Variants in ACYP2 observed in about 807,000 individuals in gnomAD.
ACYP2 encodes the protein acylphosphatase-2.
ACYP2 carries 12 observed loss-of-function variants against 11.2 expected under a neutral mutation model. That is an observed-to-expected ratio of 1.08 (90% CI 0.69 to 1.74). The LOEUF is 1.74. ACYP2 is among the 40% of genes most tolerant of loss of function. ACYP2 has a pLI of 0.00. For synonymous variants in ACYP2, 43 were observed against 32.2 expected (o/e 1.33, Z -1.13); for missense variants, 134 against 101.9 (o/e 1.31, Z -1.35).
chr2:54,067,092 C>A (rs143344495), intron 4 of ACYP2, among the ~76,000 whole-genome samples: 50 of 152,224 alleles, frequency 3.3e-4, no homozygotes, highest in African/African-American at 1.1e-3. Flanking sequence ...AAATGAATAA[C>A]ATTTACAGAA....
At chr2:54,166,674 T>C (rs1413623695) in intron 6 of ACYP2, among the ~76,000 whole-genome samples, 5 of 152,202 alleles carry the variant, frequency 3.3e-5, no homozygotes, top group African/African-American at 1.2e-4. Context: ...TTGAGTTCGA[T>C]GCCAAGATGG....
chr2:54,211,861 G>C (rs1685341236), intron 6 of ACYP2, among the ~76,000 whole-genome samples: 1 of 152,128 alleles, frequency 6.6e-6, no homozygotes, highest in Admixed American at 6.5e-5. Flanking sequence ...TGCAAATAGA[G>C]CAAACTTGTA....
chr2:54,023,838 A>G (rs1674128193), intron 2 of ACYP2, among the ~76,000 whole-genome samples: 1 of 152,244 alleles, frequency 6.6e-6, no homozygotes, highest in African/African-American at 2.4e-5. Flanking sequence ...CCAGGACCAG[A>G]TGGATTCACA....
At chr2:54,193,021 G>A (rs1684300105) in intron 6 of ACYP2, among the ~76,000 whole-genome samples, 2 of 152,242 alleles carry the variant, frequency 1.3e-5, no homozygotes, top group African/African-American at 4.8e-5. Context: ...AACCATATCA[G>A]GCTTCAATTA....
intron 2 of ACYP2, among the ~76,000 whole-genome samples, chr2:53,981,621 A>G (rs1391785922): frequency 6.6e-6 from 1 of 152,172 alleles, no homozygotes; most frequent in Non-Finnish European, 1.5e-5. Context: ...GGGGGTTGCA[A>G]AGGGAGTGGC....
chr2:54,212,859 A>T (rs1685384401), intron 6 of ACYP2, among the ~76,000 whole-genome samples: 2 of 152,274 alleles, frequency 1.3e-5, no homozygotes, highest in Non-Finnish European at 2.9e-5. Context: ...ATCACCTGTA[A>T]TCTCACCATC....
At chr2:54,076,641 C>T (rs551656650) in intron 4 of ACYP2, among the ~76,000 whole-genome samples, 13 of 152,028 alleles carry the variant, frequency 8.6e-5, no homozygotes, top group Non-Finnish European at 1.8e-4. Context: ...TTTTTCAGAA[C>T]CAAGAGAAAG....
rs115332113 is a variant in ACYP2, at chr2:54,087,038, A to C, written c.277+29678A>C. On this transcript the variant is annotated intron_variant, in intron 4 of 6. Transcript: ENST00000607452. ...AATTATAGATTAACGTTTTCTACTA[A>C]ATTCTGACAGTCTATGAGCAATTAC... Among the ~76,000 whole-genome samples the C allele has an allele frequency of 2.8e-3, 422 of 152,368 alleles. 2 individuals carry two copies. The highest frequency in any genetic ancestry group is 9.4e-3 in the African/African-American group (393 of 41,590).
At chr2:54,041,129 T>C (rs1285629521) in intron 2 of ACYP2, among the ~76,000 whole-genome samples, 4 of 151,778 alleles carry the variant, frequency 2.6e-5, no homozygotes, top group African/African-American at 9.7e-5. Flanking sequence ...GTATTTTTTG[T>C]AGAGACAGGG....
chr2:54,265,283 G>A (rs1206032548), intron 6 of ACYP2, among the ~76,000 whole-genome samples: 1 of 152,152 alleles, frequency 6.6e-6, no homozygotes, highest in African/African-American at 2.4e-5. Flanking sequence ...ATCTTACATG[G>A]ATGGCAGCAG....
intron 6 of ACYP2, among the ~76,000 whole-genome samples, chr2:54,164,137 T>C (rs1187127064): frequency 1.3e-5 from 2 of 152,104 alleles, no homozygotes; most frequent in Non-Finnish European, 2.9e-5. Context: ...CTTTGGAGCA[T>C]GTATAGAACT....
intron 2 of ACYP2, among the ~76,000 whole-genome samples, chr2:54,048,008 C>T (rs1334925939): frequency 2.0e-5 from 3 of 152,242 alleles, no homozygotes; most frequent in Non-Finnish European, 2.9e-5. Flanking sequence ...GTTGGTCTTC[C>T]AGGTCTCACT....
chr2:54,006,838 C>T (rs1043893873), intron 2 of ACYP2, among the ~76,000 whole-genome samples: 16 of 152,044 alleles, frequency 1.1e-4, no homozygotes, highest in Admixed American at 3.3e-4. Flanking sequence ...AAACTGCCTA[C>T]ATTTGGCTGG....
At chr2:54,178,554 A>C (rs1683573452) in intron 6 of ACYP2, among the ~76,000 whole-genome samples, 1 of 152,204 alleles carries the variant, frequency 6.6e-6, no homozygotes, top group South Asian at 2.1e-4. Flanking sequence ...CAGCTAAACA[A>C]ACTGGTGTAA....
chr2:53,984,385 C>T (rs1420562683), intron 2 of ACYP2, among the ~76,000 whole-genome samples: 1 of 151,872 alleles, frequency 6.6e-6, no homozygotes, highest in African/African-American at 2.4e-5. Flanking sequence ...TGAGACTAGC[C>T]TGGCCAGCAT....
Position 54,291,934 on chromosome 2 carries a change from T to C in ACYP2, c.405-12754T>C, listed in dbSNP as rs2104145138. Among the ~76,000 whole-genome samples the C allele has an allele frequency of 1.3e-5, 2 of 152,348 alleles. 1 individual carries two copies. The highest frequency in any genetic ancestry group is 4.1e-4 in the South Asian group (2 of 4,828). ...TAGGAATTTTCTAATTCTATAGGGG[T>C]ATGCACTGGTGACTTCCTATTAACT... is the stretch of plus-strand genomic sequence containing the variant. On this transcript the variant is annotated intron_variant, in intron 6 of 6. Transcript: ENST00000607452.
intron 6 of ACYP2, among the ~76,000 whole-genome samples, chr2:54,274,367 C>T (rs1409381266): frequency 6.6e-6 from 1 of 151,986 alleles, no homozygotes; most frequent in Non-Finnish European, 1.5e-5. Context: ...GGGGACACAG[C>T]CAAACCATAT....
intron 4 of ACYP2, among the ~76,000 whole-genome samples, chr2:54,071,597 C>G (rs1677046034): frequency 6.6e-6 from 1 of 152,106 alleles, no homozygotes; most frequent in African/African-American, 2.4e-5. Flanking sequence ...TTCTGAGTAG[C>G]TGAGACTACA....
intron 2 of ACYP2, among the ~76,000 whole-genome samples, chr2:54,020,025 C>T (rs527731774): frequency 1.3e-5 from 2 of 152,138 alleles, no homozygotes; most frequent in African/African-American, 4.8e-5. Flanking sequence ...TCACTGCAAC[C>T]TCCTGGGTTC....
Sources: gnomAD v4.1 joint callset for allele counts (sites outside exome capture counted in the v4.1 genomes callset) on GRCh38, gnomAD v4.1.1 for gene constraint, MANE v1.5 for transcripts, NCBI Gene and HGNC (gene_info 2026-07-23, HGNC 2026-07-21) for gene names.